The following ATF6 variants were observed in gnomAD, a reference collection of about 807,000 sequenced individuals.
ATF6 encodes cyclic AMP-dependent transcription factor ATF-6 alpha.
Under a neutral mutation model 83.6 loss-of-function variants are expected in ATF6, and 53 were observed. The observed-to-expected ratio is 0.63, with a 90% CI of 0.51 to 0.80. The LOEUF (loss-of-function observed/expected upper bound fraction) is 0.80, where lower values mean the gene tolerates loss of function less well. ATF6 is among the 30% of genes least tolerant of loss of function. The pLI is 0.00. For missense variants in ATF6, 744 were observed against 797.9 expected (o/e 0.93, Z 0.81); for synonymous variants, 288 against 285.8 (o/e 1.01, Z -0.08).
chr1:161,853,372 G>C (rs559424079), intron 12 of ATF6, 49 bp downstream of exon 12: 1 of 1,416,700 alleles, frequency 7.1e-7, no homozygotes, highest in Non-Finnish European at 9.9e-7. Flanking sequence ...TTGTTGGAAG[G>C]CTTCTCCCAG....
chr1:161,831,849 G>A (rs948384194), intron 9 of ATF6, among the ~76,000 whole-genome samples: 9 of 151,936 alleles, frequency 5.9e-5, no homozygotes, highest in African/African-American at 1.4e-4. Flanking sequence ...AATGTAAATG[G>A]CGAGTTAATG....
intron 15 of ATF6, among the ~76,000 whole-genome samples, chr1:161,940,724 A>G (rs925886713): frequency 6.6e-6 from 1 of 151,852 alleles, no homozygotes; most frequent in Non-Finnish European, 1.5e-5. Context: ...ACACCCAGCT[A>G]ATTTTTTTTG....
intron 3 of ATF6, 27 bp downstream of exon 3, chr1:161,782,026 T>G: frequency 6.8e-7 from 1 of 1,478,186 alleles, no homozygotes; most frequent in South Asian, 1.2e-5. Context: ...CTGGTAAAAG[T>G]TTTAAAAAGA....
chr1:161,877,147 G>T (rs1293343058), intron 14 of ATF6, among the ~76,000 whole-genome samples: 1 of 151,748 alleles, frequency 6.6e-6, no homozygotes, highest in Admixed American at 6.6e-5. Flanking sequence ...TTCTCTTAAG[G>T]TTTAGTTTTT....
rs16846658 is a variant in ATF6 at position 161,796,447 on chromosome 1, A to T, written c.688+4120A>T. The stretch of plus-strand genomic sequence containing the variant: ...TAAGTCAGTGGTTCTCAGTCTGTAT[A>T]TTGTGGACCCTGGGATGTGGGTGAT... On this transcript the variant is annotated intron_variant, in intron 6 of 15. Coordinates refer to ENST00000367942, the MANE Select transcript of ATF6 (RefSeq NM_007348.4). Among the ~76,000 whole-genome samples the T allele has an allele frequency of 6.3e-3, 960 of 152,252 alleles. 10 individuals are homozygous for T. Among genetic ancestry groups the T allele is most frequent in the African/African-American group, 0.022 (910 of 41,536 alleles).
rs1689096229 is a variant in ATF6, at chr1:161,961,407, A to G, written c.*2753A>G. 1 of 152,212 alleles carries G rather than the reference A, an allele frequency of 6.6e-6. No individual in the cohort carries two copies. Among genetic ancestry groups the G allele is most frequent in the South Asian group, 2.1e-4 (1 of 4,828 alleles). The allele number at this position is 152,212 out of a possible 1,614,324, so 9.4% of individuals were successfully genotyped here. ...GGGGACAGGATTCTCCTAAGGGTAG[A>G]GTTTCAGGAAATGAGTGAAAGGCAA... is the stretch of plus-strand genomic sequence containing the variant. On this transcript the variant is annotated 3_prime_UTR_variant, in exon 16 of 16. Transcript: ENST00000367942.
chr1:161,893,793 A>G (rs1037418861), intron 14 of ATF6, among the ~76,000 whole-genome samples: 1 of 152,164 alleles, frequency 6.6e-6, no homozygotes, highest in Non-Finnish European at 1.5e-5. Context: ...TTTTCAACTA[A>G]TGTTAATCAT....
intron 6 of ATF6, among the ~76,000 whole-genome samples, chr1:161,799,058 T>C (rs1160144620): frequency 1.3e-5 from 2 of 152,120 alleles, no homozygotes; most frequent in East Asian, 3.9e-4. Context: ...TAACTTAAAG[T>C]AGAACTACCA....
At chr1:161,801,467 T>G (rs887453340) in intron 6 of ATF6, among the ~76,000 whole-genome samples, 1 of 142,746 alleles carries the variant, frequency 7.0e-6, no homozygotes, top group Non-Finnish European at 1.5e-5. Flanking sequence ...AATTTTTAAA[T>G]TTTTTTTTGT....
chr1:161,867,443 G>T (rs900888931), intron 14 of ATF6, among the ~76,000 whole-genome samples: 1 of 151,918 alleles, frequency 6.6e-6, no homozygotes, highest in Non-Finnish European at 1.5e-5. Flanking sequence ...ATTTTAAAAG[G>T]GCAGAAAAGA....
At chr1:161,922,880 T>C (rs1236590144) in intron 15 of ATF6, among the ~76,000 whole-genome samples, 1 of 152,054 alleles carries the variant, frequency 6.6e-6, no homozygotes, top group Non-Finnish European at 1.5e-5. Flanking sequence ...TGAAGAGTTG[T>C]GATTTATCAA....
chr1:161,943,959 T>G (rs919443343), intron 15 of ATF6, among the ~76,000 whole-genome samples: 3 of 152,230 alleles, frequency 2.0e-5, no homozygotes, highest in African/African-American at 7.2e-5. Context: ...TGTTGTTCAC[T>G]TCTCCACTCC....
intron 14 of ATF6, among the ~76,000 whole-genome samples, chr1:161,866,152 G>A (rs539628508): frequency 3.8e-4 from 58 of 152,194 alleles, no homozygotes; most frequent in African/African-American, 1.4e-3. Context: ...CCCAGGTTTC[G>A]GCTTAGCATG....
chr1:161,821,253 A>G, intron 9 of ATF6, 92 bp downstream of exon 9: 2 of 893,432 alleles, frequency 2.2e-6, no homozygotes, highest in Non-Finnish European at 3.4e-6. Context: ...AGAAAAAATG[A>G]TTTGTTTTTC....
chr1:161,832,130 G>A (rs982432191), intron 9 of ATF6, among the ~76,000 whole-genome samples: 7 of 151,526 alleles, frequency 4.6e-5, no homozygotes, highest in Non-Finnish European at 8.8e-5. Flanking sequence ...TTATCAGATA[G>A]AGAATATAAA....
intron 15 of ATF6, among the ~76,000 whole-genome samples, chr1:161,941,581 C>G (rs907168388): frequency 2.6e-5 from 4 of 152,170 alleles, no homozygotes; most frequent in Non-Finnish European, 4.4e-5. Context: ...TAGCCGGGCT[C>G]CGCTCCCTTA....
chr1:161,903,405 T>A (rs957745409), intron 14 of ATF6, among the ~76,000 whole-genome samples: 11 of 152,252 alleles, frequency 7.2e-5, no homozygotes, highest in Middle Eastern at 3.4e-3. Flanking sequence ...TATAAAGAGA[T>A]TTCATTTCTA....
Position 161,853,224 on chromosome 1 carries a change from G to T in ATF6, c.1434G>T (p.Arg478Ser). 1 of 1,583,818 alleles carries T rather than the reference G, an allele frequency of 6.3e-7. No homozygotes were observed. The highest frequency in any genetic ancestry group is 1.1e-5 in the South Asian group (1 of 89,334). ...TAATTAATTAAACTATATTTTATAG[G>T]TTAAATCATGAACTTCGAGGATGGG... is the stretch of plus-strand genomic sequence containing the variant. The part of the protein sequence containing the change: ...QPLINTTESL[R>S]LNHELRGWVH... Residue 478 changes from arginine (R) to serine (S), a missense_variant and splice_region_variant, in exon 12 of 16, where the codon AGG (arginine) becomes AGT (serine). Physicochemically the swap from Arg to Ser is moderately radical, Grantham distance 110. Coordinates refer to ENST00000367942, the MANE Select transcript of ATF6 (RefSeq NM_007348.4).
chr1:161,809,512 ATG>A (rs2101766637), intron 7 of ATF6, among the ~76,000 whole-genome samples: 1 of 152,340 alleles, frequency 6.6e-6, no homozygotes, highest in Non-Finnish European at 1.5e-5. Flanking sequence ...ATAAGTGTGC[ATG>A]TGTCTTTATA....
Sources: gnomAD v4.1 joint callset for allele counts (sites outside exome capture counted in the v4.1 genomes callset) on GRCh38, gnomAD v4.1.1 for gene constraint, MANE v1.5 for transcripts, NCBI Gene and HGNC (gene_info 2026-07-23, HGNC 2026-07-21) for gene names.